Variants in ACP3 observed in about 807,000 individuals in gnomAD.
ACP3 encodes the protein prostatic acid phosphatase.
In ACP3, 38 loss-of-function variants were observed where a neutral mutation model predicts 45.6. The observed-to-expected ratio is 0.83, with a 90% confidence interval of 0.64 to 1.09. ACP3 has a LOEUF of 1.09. ACP3 is among the 50% of genes least tolerant of loss of function. ACP3 has a pLI of 0.00. For missense variants in ACP3, 466 were observed against 463.2 expected (o/e 1.01, Z -0.05); for synonymous variants, 162 against 164.7 (o/e 0.98, Z 0.13).
chr3:132,342,458 T>C (rs1037996245), intron 5 of ACP3, 94 bp from the exon 6 acceptor site: 3 of 818,224 alleles, frequency 3.7e-6, no homozygotes, highest in Non-Finnish European at 6.1e-6. Flanking sequence ...ACAGGAGAGC[T>C]CCCTACAACA....
intron 1 of ACP3, 45 bp from the exon 2 acceptor site, chr3:132,328,222 A>T (rs1347902696): frequency 6.7e-7 from 1 of 1,502,704 alleles, no homozygotes; most frequent in Non-Finnish European, 9.2e-7. Flanking sequence ...GAAGCAAAAC[A>T]CCCAAGTGAC....
intron 2 of ACP3, among the ~76,000 whole-genome samples, chr3:132,328,746 G>C (rs2107796929): frequency 6.7e-6 from 1 of 149,838 alleles, no homozygotes; most frequent in Non-Finnish European, 1.5e-5. Flanking sequence ...AGAATTGTCT[G>C]TTTTGATATT....
intron 7 of ACP3, among the ~76,000 whole-genome samples, chr3:132,346,697 A>T (rs1259032169): frequency 6.6e-6 from 1 of 152,214 alleles, no homozygotes; most frequent in Admixed American, 6.5e-5. Flanking sequence ...CTGGCCCACC[A>T]GGTGCCAGCA....
chr3:132,342,508 G>A (rs1484745400), intron 5 of ACP3, 44 bp from the exon 6 acceptor site: 1 of 1,372,218 alleles, frequency 7.3e-7, no homozygotes, highest in Non-Finnish European at 1.0e-6. Context: ...TGCTGAAGCT[G>A]AGAAACCTGT....
At chr3:132,326,114 C>A (rs910692348) in intron 1 of ACP3, among the ~76,000 whole-genome samples, 1 of 152,192 alleles carries the variant, frequency 6.6e-6, no homozygotes, top group Admixed American at 6.5e-5. Flanking sequence ...AGAAAATGTG[C>A]CTTTTTCAGT....
chr3:132,317,408 A>G lies in ACP3; in HGVS notation c.-49A>G. On this transcript the variant is annotated 5_prime_UTR_variant, in exon 1 of 10. Coordinates refer to ENST00000336375, the MANE Select transcript of ACP3 (RefSeq NM_001099.5). ...ATAGCTTCCCCTCTACAGGCTTTTG[A>G]AGTGGTAGCAGTTCCTCCTAACTCC... The G allele has an allele frequency of 6.3e-7, 1 of 1,590,396 alleles. No homozygotes were observed. The highest frequency in any genetic ancestry group is 1.1e-5 in the South Asian group (1 of 87,236).
At chr3:132,354,875 T>C (rs2107817053) in intron 9 of ACP3, among the ~76,000 whole-genome samples, 1 of 152,376 alleles carries the variant, frequency 6.6e-6, no homozygotes, top group Admixed American at 6.5e-5. Flanking sequence ...TACTCATCTT[T>C]GGCTTGTGTC....
In ACP3 at chr3:132,345,065, T is replaced by C; in HGVS notation, c.781+6T>C. ...GAAATCTAGGCTCCAAGGGGGTAAG[T>C]ATTAAAAAATGAGAGGAGCATATTG... On this transcript the variant is annotated splice_donor_region_variant and intron_variant, in intron 7 of 9. Transcript: ENST00000336375. 6.2e-7 allele frequency: 1 copy of C among 1,611,858 alleles called. No individual in the cohort carries two copies. The highest frequency in any genetic ancestry group is 1.1e-5 in the South Asian group (1 of 90,984).
Position 132,357,663 on chromosome 3 carries a change from G to A in ACP3, c.*785G>A, listed in dbSNP as rs1937939205. On this transcript the variant is annotated 3_prime_UTR_variant, in exon 10 of 10. Coordinates refer to ENST00000336375, the MANE Select transcript of ACP3 (RefSeq NM_001099.5). ...CATCTGATGAGAACAAGCTATTTGG[G>A]CACAACACATCAGGAAAGAGAGCAC... is the stretch of plus-strand genomic sequence containing the variant. The A allele has an allele frequency of 1.0e-6, 1 of 985,284 alleles. No homozygotes were observed. Among genetic ancestry groups the A allele is most frequent in the Non-Finnish European group, 1.2e-6 (1 of 829,860 alleles). 61.0% of individuals were successfully genotyped at this position (985,284 alleles called of 1,614,324 possible).
chr3:132,344,277 CA>C (rs56793876), intron 6 of ACP3, among the ~76,000 whole-genome samples: 36,084 of 99,118 alleles, frequency 0.36, 4,989 homozygotes, highest in Middle Eastern at 0.54. Context: ...GATTCTGTCT[CA>C]AAAAAAAAAA....
chr3:132,338,004 T>C (rs1219828455), intron 5 of ACP3, among the ~76,000 whole-genome samples: 1 of 152,198 alleles, frequency 6.6e-6, no homozygotes, highest in Non-Finnish European at 1.5e-5. Context: ...AAATAATCTT[T>C]TGAATATTAT....
At chr3:132,351,255 G>C (rs1937730413) in intron 8 of ACP3, among the ~76,000 whole-genome samples, 1 of 152,226 alleles carries the variant, frequency 6.6e-6, no homozygotes, top group Admixed American at 6.5e-5. Flanking sequence ...AAAGAAAAGA[G>C]AGCAAGAGAT....
chr3:132,343,404 C>A (rs1159607516), intron 6 of ACP3, among the ~76,000 whole-genome samples: 5 of 152,154 alleles, frequency 3.3e-5, no homozygotes, highest in Non-Finnish European at 7.3e-5. Context: ...AGTTAATTGA[C>A]CCAATCACAT....
intron 7 of ACP3, among the ~76,000 whole-genome samples, chr3:132,346,865 C>T (rs1937615668): frequency 6.6e-6 from 1 of 152,224 alleles, no homozygotes; most frequent in Non-Finnish European, 1.5e-5. Context: ...GCTAGAAACA[C>T]AGGCCCCACT....
intron 7 of ACP3, among the ~76,000 whole-genome samples, chr3:132,348,999 T>TCACACACACACACACACACACA (rs3221158): frequency 0.012 from 1,788 of 146,928 alleles, 25 homozygotes; most frequent in African/African-American, 0.036. Flanking sequence ...TCATTACAAC[T>TCACACACACACACACACACACA]CACACACACA....
chr3:132,362,721 TGAG>T (rs1287075112), downstream of ACP3, among the ~76,000 whole-genome samples: 1 of 151,872 alleles, frequency 6.6e-6, no homozygotes, highest in African/African-American at 2.4e-5. Flanking sequence ...TGAATGAAGG[TGAG>T]GAGAGAGGAG....
chr3:132,365,577 T>A (rs1938118547), intron 10 of ACP3, among the ~76,000 whole-genome samples: 2 of 152,200 alleles, frequency 1.3e-5, no homozygotes, highest in African/African-American at 4.8e-5. Context: ...TAAACTATCA[T>A]CATTAGAACT....
At position 132,352,820 on chromosome 3, in the gene ACP3, A is replaced by G. The variant is rs559725543; in HGVS notation, c.965A>G (p.Lys322Arg). The change falls in exon 9 of 10, where the codon AAG becomes AGG. Residue 322 changes from lysine to arginine, a missense_variant. By Grantham distance (26) the Lys-to-Arg change is conservative. Transcript: ENST00000336375. ...CACTTGACGGAATTGTACTTTGAGA[A>G]GGGGTAAGTGACTAAGTGCTTTTCA... ...SCHLTELYFE[K>R]GEYFVEMYYR... 9.4e-6 allele frequency: 15 copies of G among 1,601,592 alleles called. No individual in the cohort carries two copies. Among genetic ancestry groups the G allele is most frequent in the Non-Finnish European group, 1.3e-5 (15 of 1,168,810 alleles).
chr3:132,327,876 T>C (rs911699480), intron 1 of ACP3, among the ~76,000 whole-genome samples: 1 of 152,214 alleles, frequency 6.6e-6, no homozygotes, highest in Non-Finnish European at 1.5e-5. Context: ...AGTAAAGTAC[T>C]CTTGTCAGCT....
Sources: allele counts gnomAD v4.1 joint callset (sites outside exome capture counted in the v4.1 genomes callset), GRCh38; gene constraint gnomAD v4.1.1; transcripts MANE v1.5; gene names NCBI Gene and HGNC (gene_info 2026-07-23, HGNC 2026-07-21).